Variants in FOSL2 observed in about 807,000 individuals in gnomAD.
FOSL2 encodes fos-related antigen 2.
In FOSL2, 3 loss-of-function variants were observed where a neutral mutation model predicts 27.7. The ratio of observed to expected loss-of-function variants is 0.11; its 90% CI spans 0.05 to 0.28. FOSL2 has a LOEUF of 0.28. Ranked by LOEUF, FOSL2 falls within the 10% of genes least tolerant of loss-of-function variation. The pLI, the probability that FOSL2 is intolerant of heterozygous loss-of-function variation, is 1.00. For synonymous variants in FOSL2, 179 were observed against 190.1 expected (o/e 0.94, Z 0.48); for missense variants, 333 against 445.1 (o/e 0.75, Z 2.27).
rs1664133616 is a variant in FOSL2 at position 28,408,776 on chromosome 2, G to A, written c.372G>A (p.Glu124=). ...RRDEQLSPEE[E]EKRRIRRERN... Reference sequence around the variant, plus strand: ...GCCTCTAGCTGTCTCCTGAAGAGGAGGAGAAGCGTCGCATCCGGCGGGAGA... The same window carrying A: ...GCCTCTAGCTGTCTCCTGAAGAGGAAGAGAAGCGTCGCATCCGGCGGGAGA... Residue 124 remains glutamate, a synonymous_variant, in exon 3 of 4, where the codon GAG becomes GAA. Coordinates refer to ENST00000264716, the MANE Select transcript of FOSL2 (RefSeq NM_005253.4). The surrounding 1 kb of genome is among the most constrained non-coding windows in gnomAD (Gnocchi z 4.1). 1 of 1,611,316 alleles carries A rather than the reference G, an allele frequency of 6.2e-7. No individual in the cohort carries two copies. Among genetic ancestry groups the A allele is most frequent in the African/African-American group, 1.3e-5 (1 of 74,862 alleles).
chr2:28,403,978 C>G, intron 1 of FOSL2, 129 bp from the exon 2 acceptor site: 1 of 1,080,192 alleles, frequency 9.3e-7, no homozygotes, highest in Admixed American at 2.2e-5. Context: ...ACCTGGGGTC[C>G]TGACCTTGCC....
Position 28,393,976 on chromosome 2 carries a change from C to A in FOSL2, c.102+154C>A, listed in dbSNP as rs980930466. On this transcript the variant is annotated intron_variant, in intron 1 of 3. Coordinates refer to ENST00000264716, the MANE Select transcript of FOSL2 (RefSeq NM_005253.4). The surrounding 1 kb of genome is among the most constrained non-coding windows in gnomAD (Gnocchi z 4.6). ...TGGATTTTCGTCCTCCCCTTCCCCC[C>A]CACCCCCTTTTAAACTAGGGGATTG... Among the ~76,000 whole-genome samples, 2 of 152,036 alleles carry A rather than the reference C, an allele frequency of 1.3e-5. No individual in the cohort carries two copies. The highest frequency in any genetic ancestry group is 4.8e-5 in the African/African-American group (2 of 41,428).
Position 28,408,699 on chromosome 2 carries a change from T to A in FOSL2, c.355-60T>A, listed in dbSNP as rs1572493745. 1.6e-6 allele frequency: 2 copies of A among 1,278,962 alleles called. No individual in the cohort carries two copies. The highest frequency in any genetic ancestry group is 2.7e-5 in the East Asian group (1 of 37,490). The allele number at this position is 1,278,962 out of a possible 1,614,324, so 79.2% of individuals were successfully genotyped here. The stretch of plus-strand genomic sequence containing the variant: ...CTTGCCTTACTTAAAATACAGTTTT[T>A]AAAAAATACTGTGAACCATTGTCTC... On this transcript the variant is annotated intron_variant, in intron 2 of 3. Transcript: ENST00000264716. This position sits in a 1 kb window ranked among gnomAD's most constrained non-coding sequence, Gnocchi z 4.1.
In FOSL2 at chr2:28,412,732, T is replaced by G; in HGVS notation, c.*284T>G. The G allele has an allele frequency of 2.3e-6, 1 of 442,526 alleles. No individual in the cohort carries two copies. Among genetic ancestry groups the G allele is most frequent in the Middle Eastern group, 6.1e-4 (1 of 1,636 alleles). 27.4% of individuals were successfully genotyped at this position (442,526 alleles called of 1,614,324 possible). The stretch of plus-strand genomic sequence containing the variant: ...GGTTTGGTAGACTTGGACATCTCTC[T>G]GGCTTCTGAAGAGCCTGAAGCTGGC... On this transcript the variant is annotated 3_prime_UTR_variant, in exon 4 of 4. Transcript: ENST00000264716. The surrounding 1 kb of genome is among the most constrained non-coding windows in gnomAD (Gnocchi z 7.1).
At chr2:28,405,718 C>T (rs1664061423) in intron 2 of FOSL2, among the ~76,000 whole-genome samples, 1 of 132,934 alleles carries the variant, frequency 7.5e-6, no homozygotes, top group African/African-American at 2.6e-5. Flanking sequence ...AACCACGGTG[C>T]AGAGCCACTT....
chr2:28,402,603 G>T (rs1314433665), intron 1 of FOSL2, among the ~76,000 whole-genome samples: 1 of 152,244 alleles, frequency 6.6e-6, no homozygotes, highest in Non-Finnish European at 1.5e-5. Flanking sequence ...GCTAATGATA[G>T]TGGGGTTCCA....
At position 28,392,985 on chromosome 2, in the gene FOSL2, G is replaced by A; in HGVS notation, c.-736G>A. 3.0e-6 allele frequency: 2 copies of A among 661,618 alleles called. No individual in the cohort carries two copies. Among genetic ancestry groups the A allele is most frequent in the Non-Finnish European group, 2.8e-6 (1 of 355,436 alleles). 41.0% of individuals were successfully genotyped at this position (661,618 alleles called of 1,614,324 possible). A position where few individuals can be genotyped will look rare whatever the true frequency, so the allele number is the denominator to read the frequency against. The stretch of plus-strand genomic sequence containing the variant: ...GAGAGAGGGAGAGGCGCGGCCGGGC[G>A]AGGCGGGCCCGTCCGGGAGCGGGCT... On this transcript the variant is annotated 5_prime_UTR_variant, in exon 1 of 4. Coordinates refer to ENST00000264716, the MANE Select transcript of FOSL2 (RefSeq NM_005253.4).
intron 3 of FOSL2, 125 bp from the exon 4 acceptor site, chr2:28,411,805 G>A (rs558086880): frequency 3.1e-6 from 3 of 962,240 alleles, no homozygotes; most frequent in Non-Finnish European, 4.9e-6. Context: ...GACCAGCGGG[G>A]TCTGTGGTTA....
At chr2:28,399,669 G>T (rs980884515) in intron 1 of FOSL2, among the ~76,000 whole-genome samples, 4 of 152,104 alleles carry the variant, frequency 2.6e-5, no homozygotes, top group African/African-American at 9.7e-5. Context: ...CCGTCTCCTC[G>T]GCTACCTGGG....
In FOSL2 at chr2:28,415,592, A is replaced by G. The variant is rs549847124; in HGVS notation, c.*3144A>G. Reference sequence around the variant, plus strand: ...TGGGACTTTTTTTCTCTTTTCCTTGATGGACCAACAGTGCAAATGCAATCT... The same window carrying G: ...TGGGACTTTTTTTCTCTTTTCCTTGGTGGACCAACAGTGCAAATGCAATCT... On this transcript the variant is annotated 3_prime_UTR_variant, in exon 4 of 4. Transcript: ENST00000264716. 2 of 152,238 alleles carry G rather than the reference A, an allele frequency of 1.3e-5. No homozygotes were observed. Among genetic ancestry groups the G allele is most frequent in the East Asian group, 3.9e-4 (2 of 5,168 alleles). The allele number at this position is 152,238 out of a possible 1,614,324, so 9.4% of individuals were successfully genotyped here.
chr2:28,396,815 C>CACACACAA (rs1663851912), intron 1 of FOSL2: 1 of 151,630 alleles, frequency 6.6e-6, no homozygotes, highest in African/African-American at 2.4e-5. Context: ...CACACACACA[C>CACACACAA]ACACACACAC....
rs1005597659 is a variant in FOSL2, at chr2:28,393,661, C to T, written c.-60C>T. On this transcript the variant is annotated 5_prime_UTR_variant, in exon 1 of 4. Transcript: ENST00000264716. This position sits in a 1 kb window ranked among gnomAD's most constrained non-coding sequence, Gnocchi z 4.6. ...CGAGCGCGCAGCAGCCGGTGCGCGGCCGCGGCGAGGGCGGGGGAAGAAAAA... is the reference window on the plus strand; with the variant it reads ...CGAGCGCGCAGCAGCCGGTGCGCGGTCGCGGCGAGGGCGGGGGAAGAAAAA... The T allele has an allele frequency of 6.9e-6, 9 of 1,311,420 alleles. No homozygotes were observed. 81.2% of individuals were successfully genotyped at this position (1,311,420 alleles called of 1,614,324 possible).
intron 1 of FOSL2, among the ~76,000 whole-genome samples, chr2:28,403,313 A>G (rs1415448612): frequency 6.6e-6 from 1 of 152,202 alleles, no homozygotes; most frequent in Non-Finnish European, 1.5e-5. Flanking sequence ...TGGTCTGGGC[A>G]TAAATTAAGA....
At chr2:28,406,500 G>T (rs6547851) in intron 2 of FOSL2, among the ~76,000 whole-genome samples, 3 of 152,002 alleles carry the variant, frequency 2.0e-5, no homozygotes, top group South Asian at 2.1e-4. Context: ...GAAAGGTGAA[G>T]GGCCCTGTTA....
intron 3 of FOSL2, 22 bp from the exon 4 acceptor site, chr2:28,411,908 C>T (rs1393691750): frequency 2.5e-6 from 4 of 1,613,974 alleles, no homozygotes; most frequent in Non-Finnish European, 2.5e-6. Flanking sequence ...CTGTCCCTCA[C>T]ATCCCTCTCT....
At chr2:28,403,628 G>C (rs1664017891) in intron 1 of FOSL2, among the ~76,000 whole-genome samples, 1 of 152,184 alleles carries the variant, frequency 6.6e-6, no homozygotes, top group Non-Finnish European at 1.5e-5. Flanking sequence ...TGCTCCCTTG[G>C]TGATCTTTGT....
At chr2:28,394,374 G>A (rs1306230005) in intron 1 of FOSL2, among the ~76,000 whole-genome samples, 1 of 152,164 alleles carries the variant, frequency 6.6e-6, no homozygotes, top group Non-Finnish European at 1.5e-5. Context: ...TGCCGCTCTG[G>A]GAATCAGGTG....
At chr2:28,402,364 A>G (rs1398589567) in intron 1 of FOSL2, among the ~76,000 whole-genome samples, 1 of 152,260 alleles carries the variant, frequency 6.6e-6, no homozygotes, top group Non-Finnish European at 1.5e-5. Flanking sequence ...TTGATGAGGC[A>G]GCCGTTCCAA....
rs1664318403 is a variant in FOSL2 at position 28,416,673 on chromosome 2, TAA to T, written c.*4228_*4229del. The stretch of plus-strand genomic sequence containing the variant: ...TCAAAAATTATTTTCTCTGTATGAT[TAA>T]AAGTTTATTCCATTTATTTTAGTTT... On this transcript the variant is annotated 3_prime_UTR_variant, in exon 4 of 4. Coordinates refer to ENST00000264716, the MANE Select transcript of FOSL2 (RefSeq NM_005253.4). 1 of 152,194 alleles carries T rather than the reference TAA, an allele frequency of 6.6e-6. No homozygotes were observed. The highest frequency in any genetic ancestry group is 2.1e-4 in the South Asian group (1 of 4,838). The allele number at this position is 152,194 out of a possible 1,614,324, so 9.4% of individuals were successfully genotyped here.
Sources: gnomAD v4.1 joint callset for allele counts (sites outside exome capture counted in the v4.1 genomes callset) on GRCh38, gnomAD v4.1.1 for gene constraint, Gnocchi (gnomAD v3.1) non-coding constraint, MANE v1.5 for transcripts, NCBI Gene and HGNC (gene_info 2026-07-23, HGNC 2026-07-21) for gene names.